Variants in CEP78 observed in about 807,000 individuals in gnomAD.
CEP78 encodes centrosomal protein of 78 kDa.
A neutral mutation model predicts 81.2 loss-of-function variants in CEP78; 76 were observed. The ratio of observed to expected loss-of-function variants is 0.94; its 90% confidence interval spans 0.78 to 1.13. CEP78 has a LOEUF of 1.13. CEP78 is among the 50% of genes most tolerant of loss of function. CEP78 has a pLI of 0.00. For missense variants in CEP78, 918 were observed against 846.8 expected (o/e 1.08, Z -1.04); for synonymous variants, 293 against 301.4 (o/e 0.97, Z 0.29).
At chr9:78,236,642 G>C in intron 1 of CEP78, 39 bp downstream of exon 1, 2 of 1,513,144 alleles carry the variant, frequency 1.3e-6, no homozygotes, top group Non-Finnish European at 8.8e-7. Context: ...CAGTCGGTGC[G>C]GCGAAGTGGG....
rs920635801 is a variant in CEP78, at chr9:78,278,982, A to G, written c.*8131A>G. ...TATGGCTGGCTGCTCACAAAGGCAC[A>G]TAGTGAGTGATAGGGGCTGAAAGGG... On this transcript the variant is annotated 3_prime_UTR_variant, in exon 17 of 17. Coordinates refer to ENST00000643273, the MANE Select transcript of CEP78 (RefSeq NM_001330691.3). The G allele has an allele frequency of 4.0e-5, 6 of 151,572 alleles. No homozygotes were observed. The highest frequency in any genetic ancestry group is 1.2e-4 in the African/African-American group (5 of 41,184). 9.4% of individuals were successfully genotyped at this position (151,572 alleles called of 1,614,324 possible).
In CEP78 at chr9:78,253,258, A is replaced by T. The variant is rs1173550892; in HGVS notation, c.1232A>T (p.Asp411Val). The T allele has an allele frequency of 1.4e-6, 2 of 1,383,740 alleles. No individual in the cohort carries two copies. The highest frequency in any genetic ancestry group is 1.8e-5 in the Admixed American group (1 of 54,256). 85.7% of individuals were successfully genotyped at this position (1,383,740 alleles called of 1,614,324 possible). The change falls in exon 10 of 17, where the codon GAT (aspartate) becomes GTT (valine). Residue 411 changes from aspartate to valine, a missense_variant. Physicochemically the swap from Asp to Val is radical, Grantham distance 152 (BLOSUM62 -3). Transcript: ENST00000643273. ...GGTTTCCCATTAATCAAAACACGTG[A>T]TATATGTAATCAGTTGCAGGTACGT... ...HRGFPLIKTR[D>V]ICNQLQQPGF... is the part of the protein sequence containing the mutation.
chr9:78,263,049 T>C, intron 12 of CEP78, 65 bp downstream of exon 12: 1 of 831,624 alleles, frequency 1.2e-6, no homozygotes, highest in Non-Finnish European at 1.9e-6. Context: ...CTTTAAGTCA[T>C]ACATACACAC....
intron 6 of CEP78, among the ~76,000 whole-genome samples, chr9:78,247,522 A>C (rs1392620638): frequency 1.3e-5 from 2 of 152,258 alleles, no homozygotes; most frequent in Non-Finnish European, 2.9e-5. Flanking sequence ...TCAGACAACT[A>C]GCCAGGGGCC....
At chr9:78,246,599 CA>C (rs917034107) in intron 5 of CEP78, 69 bp from the exon 6 acceptor site, 7 of 1,015,574 alleles carry the variant, frequency 6.9e-6, no homozygotes, top group Middle Eastern at 2.2e-4. Flanking sequence ...GACTCCGTCT[CA>C]AAAAAACAAA....
At position 78,277,656 on chromosome 9, in the gene CEP78, C is replaced by G. The variant is rs963618068; in HGVS notation, c.*6805C>G. The stretch of plus-strand genomic sequence containing the variant: ...GAAATTGATACAGCTTTTGGATGGA[C>G]AGTTTGACAGTGTGTATCAACATGT... On this transcript the variant is annotated 3_prime_UTR_variant, in exon 17 of 17. Coordinates refer to ENST00000643273, the MANE Select transcript of CEP78 (RefSeq NM_001330691.3). 1 of 152,090 alleles carries G rather than the reference C, an allele frequency of 6.6e-6. No individual in the cohort carries two copies. Among genetic ancestry groups the G allele is most frequent in the Non-Finnish European group, 1.5e-5 (1 of 68,026 alleles). 9.4% of individuals were successfully genotyped at this position (152,090 alleles called of 1,614,324 possible). A position where few individuals can be genotyped will look rare whatever the true frequency, so the allele number is the denominator to read the frequency against.
Position 78,262,967 on chromosome 9 carries a change from G to C in CEP78, c.1441G>C (p.Asp481His). 6.5e-7 allele frequency: 1 copy of C among 1,541,682 alleles called. No individual in the cohort carries two copies. Among genetic ancestry groups the C allele is most frequent in the Non-Finnish European group, 8.8e-7 (1 of 1,142,152 alleles). The change falls in exon 12 of 17, where the codon GAT becomes CAT. Residue 481 changes from aspartate (D) to histidine (H), a missense_variant. By Grantham distance (81) the Asp-to-His change is moderately conservative. Coordinates refer to ENST00000643273, the MANE Select transcript of CEP78 (RefSeq NM_001330691.3). Reference sequence around the variant, plus strand: ...AGAAAGAGTGATAAGGCTTAAGGTTGATAAACGAGTCAGTGAGGTAAATAA... The same window carrying C: ...AGAAAGAGTGATAAGGCTTAAGGTTCATAAACGAGTCAGTGAGGTAAATAA... The part of the protein sequence containing the change: ...KEERVIRLKV[D>H]KRVSELEHEN...
rs1386241016 is a variant in CEP78 at position 78,272,928 on chromosome 9, CT to C, written c.*2080del. The C allele has an allele frequency of 1.3e-5, 2 of 152,170 alleles. No homozygotes were observed. Among genetic ancestry groups the C allele is most frequent in the African/African-American group, 4.8e-5 (2 of 41,452 alleles). The allele number at this position is 152,170 out of a possible 1,614,324, so 9.4% of individuals were successfully genotyped here. On this transcript the variant is annotated 3_prime_UTR_variant, in exon 17 of 17. Transcript: ENST00000643273. ...ACATATGTCACTTCTGTTCACATTT[CT>C]TTGGCCAAAGAAAGTCACATGGTTA...
Position 78,240,323 on chromosome 9 carries a change from T to A in CEP78, c.458T>A (p.Leu153Gln). Residue 153 changes from leucine (L) to glutamine (Q), a missense_variant, in exon 3 of 17, where the codon CTG (leucine) becomes CAG (glutamine). Physicochemically the swap from Leu to Gln is moderately radical, Grantham distance 113. Transcript: ENST00000643273. Reference sequence around the variant, plus strand: ...AATAAATCGGCTTCTTTGGTGCACCTGTCTCTTGCAAATTGTCCAATTGGA... The same window carrying A: ...AATAAATCGGCTTCTTTGGTGCACCAGTCTCTTGCAAATTGTCCAATTGGA... ...GLNKSASLVHLSLANCPIGDG... is the reference protein window; with the variant it reads ...GLNKSASLVHQSLANCPIGDG... 6.3e-7 allele frequency: 1 copy of A among 1,596,062 alleles called. No individual in the cohort carries two copies. Among genetic ancestry groups the A allele is most frequent in the Non-Finnish European group, 8.5e-7 (1 of 1,169,614 alleles).
intron 9 of CEP78, among the ~76,000 whole-genome samples, chr9:78,252,542 A>T (rs1284209739): frequency 2.6e-5 from 4 of 152,240 alleles, no homozygotes; most frequent in African/African-American, 9.6e-5. Context: ...TATTCATAGT[A>T]ATTTTTGTCA....
At position 78,241,677 on chromosome 9, in the gene CEP78, GT is replaced by G. The variant is rs199823711; in HGVS notation, c.500-10del. ...TATGCTCTTCATCTTATTGTATGTG[GT>G]TTTTTTTTCCATTTTAGTTATTTGT... is the stretch of plus-strand genomic sequence containing the variant. On this transcript the variant is annotated intron_variant, in intron 3 of 16. Coordinates refer to ENST00000643273, the MANE Select transcript of CEP78 (RefSeq NM_001330691.3). 1,058 of 1,220,534 alleles carry G rather than the reference GT, an allele frequency of 8.7e-4. 4 individuals are homozygous for G. In the African/African-American group the frequency reaches 0.013, roughly 15 times the overall value. 75.6% of individuals were successfully genotyped at this position (1,220,534 alleles called of 1,614,324 possible).
At chr9:78,252,435 G>A (rs1826809560) in intron 9 of CEP78, among the ~76,000 whole-genome samples, 2 of 152,184 alleles carry the variant, frequency 1.3e-5, no homozygotes, top group African/African-American at 4.8e-5. Context: ...GATAGGAAGT[G>A]TTGATTAGAC....
chr9:78,265,482 C>G lies in CEP78; in HGVS notation c.1736C>G (p.Ala579Gly). The G allele has an allele frequency of 1.3e-6, 2 of 1,589,364 alleles. No individual in the cohort carries two copies. Among genetic ancestry groups the G allele is most frequent in the Middle Eastern group, 3.3e-4 (2 of 6,036 alleles). The change falls in exon 14 of 17, where the codon GCG becomes GGG. Residue 579 changes from alanine to glycine, a missense_variant. Ala to Gly is a moderately conservative substitution (Grantham distance 60, BLOSUM62 0). Coordinates refer to ENST00000643273, the MANE Select transcript of CEP78 (RefSeq NM_001330691.3). ...AATCCACCTAAAGAAGAAAAGAAGG[C>G]GCTTGAAGATGAAAAACCAGAACCG... ...VSNPPKEEKK[A>G]LEDEKPEPKQ...
Position 78,236,593 on chromosome 9 carries a change from G to C in CEP78, c.243G>C (p.Leu81=), listed in dbSNP as rs775862101. Residue 81 remains leucine, a synonymous_variant, in exon 1 of 17, where the codon CTG becomes CTC. Coordinates refer to ENST00000643273, the MANE Select transcript of CEP78 (RefSeq NM_001330691.3). ...TCAAGAGCTTCTTCCAGCCCTGGCT[G>C]GGGGACACAGGTTTGTAGTTCCCGC... The part of the protein sequence containing the change: ...VSIKSFFQPW[L]GDTGSDMNKF... The C allele has an allele frequency of 6.5e-7, 1 of 1,538,200 alleles. No individual in the cohort carries two copies. The highest frequency in any genetic ancestry group is 1.7e-4 in the Middle Eastern group (1 of 5,716).
chr9:78,240,305 C>A lies in CEP78; in HGVS notation c.440C>A (p.Ser147Ter), dbSNP rs759754640. The change falls in exon 3 of 17, where the codon TCG becomes TAG. Residue 147 changes from serine to a stop codon, truncating the protein, a stop_gained. Transcript: ENST00000643273. LOFTEE classifies it high-confidence loss of function. The stretch of plus-strand genomic sequence containing the variant: ...CCCTCATTAAAGGGATTGAATAAAT[C>A]GGCTTCTTTGGTGCACCTGTCTCTT... The part of the protein sequence containing the change: ...LTILAKGLNK[S>*]ASLVHLSLAN... 1.2e-5 allele frequency: 19 copies of A among 1,601,136 alleles called. No individual in the cohort carries two copies. The highest frequency in any genetic ancestry group is 5.2e-5 in the Admixed American group (3 of 57,998).
rs1827767258 is a variant in CEP78 at position 78,274,753 on chromosome 9, C to T, written c.*3902C>T. ...AATTTTTAAATGATCTTCTAAATAA[C>T]TCATTTAAAGGAGAAATCAAAATAA... is the stretch of plus-strand genomic sequence containing the variant. On this transcript the variant is annotated 3_prime_UTR_variant, in exon 17 of 17. Transcript: ENST00000643273. 6.6e-6 allele frequency: 1 copy of T among 151,974 alleles called. No homozygotes were observed. Among genetic ancestry groups the T allele is most frequent in the South Asian group, 2.1e-4 (1 of 4,824 alleles). 9.4% of individuals were successfully genotyped at this position (151,974 alleles called of 1,614,324 possible). A position where few individuals can be genotyped will look rare whatever the true frequency, so the allele number is the denominator to read the frequency against.
intron 4 of CEP78, among the ~76,000 whole-genome samples, chr9:78,242,010 T>A (rs1051864807): frequency 5.3e-5 from 8 of 152,224 alleles, no homozygotes; most frequent in South Asian, 2.1e-4. Context: ...ACCTAAAATA[T>A]AATAATTAGA....
At chr9:78,248,171 T>C in intron 6 of CEP78, 120 bp from the exon 7 acceptor site, 1 of 678,292 alleles carries the variant, frequency 1.5e-6, no homozygotes, top group East Asian at 2.7e-5. Flanking sequence ...AATTACATTA[T>C]GTGGAATTCA....
At chr9:78,246,982 T>G (rs1826521712) in intron 6 of CEP78, among the ~76,000 whole-genome samples, 200 bp downstream of exon 6, 1 of 152,262 alleles carries the variant, frequency 6.6e-6, no homozygotes, top group Non-Finnish European at 1.5e-5. Flanking sequence ...CTACTCTGAA[T>G]AGGAGTGAAC....
Sources: gnomAD v4.1 joint callset for allele counts (sites outside exome capture counted in the v4.1 genomes callset) on GRCh38, gnomAD v4.1.1 for gene constraint, MANE v1.5 for transcripts, NCBI Gene and HGNC (gene_info 2026-07-23, HGNC 2026-07-21) for gene names.